Variants in RIMS2 observed in about 807,000 individuals in gnomAD.
RIMS2 encodes regulating synaptic membrane exocytosis protein 2.
Under a neutral mutation model 174.4 loss-of-function variants are expected in RIMS2, and 59 were observed. That is an observed-to-expected ratio of 0.34 (90% CI 0.27 to 0.42). The LOEUF is 0.42. Ranked by LOEUF, RIMS2 falls within the 10% of genes least tolerant of loss-of-function variation. The pLI is 1.00. For synonymous variants in RIMS2, 606 were observed against 572.5 expected (o/e 1.06, Z -0.84); for missense variants, 1,620 against 1,666.3 (o/e 0.97, Z 0.48).
intron 3 of RIMS2, among the ~76,000 whole-genome samples, chr8:103,839,515 GC>G (rs1297435972): frequency 1.3e-5 from 2 of 152,038 alleles, no homozygotes; most frequent in African/African-American, 4.8e-5. Flanking sequence ...TTAATGCATG[GC>G]CTTTGTGAGG....
At chr8:103,886,717 A>G (rs966540911) in intron 4 of RIMS2, among the ~76,000 whole-genome samples, 5 of 151,744 alleles carry the variant, frequency 3.3e-5, no homozygotes, top group African/African-American at 4.8e-5. Context: ...ATAGATTTAT[A>G]AAATTGATAT....
At chr8:104,049,248 C>G (rs942503390) in intron 19 of RIMS2, among the ~76,000 whole-genome samples, 4 of 151,868 alleles carry the variant, frequency 2.6e-5, no homozygotes, top group African/African-American at 9.7e-5. Context: ...CGGTGAAACC[C>G]CATCTCTACT....
At chr8:103,641,636 G>T (rs1313810113) in intron 1 of RIMS2, among the ~76,000 whole-genome samples, 1 of 152,040 alleles carries the variant, frequency 6.6e-6, no homozygotes, top group African/African-American at 2.4e-5. Flanking sequence ...GAGGTGTTTA[G>T]GTCATGGAGG....
chr8:103,679,171 A>T (rs989034133), intron 1 of RIMS2, among the ~76,000 whole-genome samples: 4 of 152,014 alleles, frequency 2.6e-5, no homozygotes, highest in Admixed American at 2.0e-4. Flanking sequence ...TATATCCTGA[A>T]ATATATGGAT....
At chr8:104,083,358 T>C (rs2097463628) in intron 19 of RIMS2, among the ~76,000 whole-genome samples, 2 of 152,222 alleles carry the variant, frequency 1.3e-5, no homozygotes, top group Admixed American at 6.6e-5. Flanking sequence ...CTGCTTCAGA[T>C]CCCCAGGGCA....
intron 19 of RIMS2, among the ~76,000 whole-genome samples, chr8:104,146,204 C>A (rs888008550): frequency 1.5e-5 from 1 of 65,918 alleles, no homozygotes; most frequent in African/African-American, 6.1e-5. Flanking sequence ...TCTCCTCTCC[C>A]AAAAAAAAAA....
chr8:104,118,372 T>G (rs1566516833), intron 19 of RIMS2, among the ~76,000 whole-genome samples: 4 of 78,004 alleles, frequency 5.1e-5, no homozygotes, highest in Non-Finnish European at 1.1e-4. Flanking sequence ...GTTTTTTTGT[T>G]TTTTTTTTTT....
chr8:104,019,345 C>G (rs1371424384), intron 19 of RIMS2, among the ~76,000 whole-genome samples: 1 of 152,020 alleles, frequency 6.6e-6, no homozygotes, highest in Non-Finnish European at 1.5e-5. Context: ...TTGAATAATA[C>G]AGAATACCTT....
At chr8:103,915,232 A>G (rs1476215255) in intron 6 of RIMS2, among the ~76,000 whole-genome samples, 1 of 152,090 alleles carries the variant, frequency 6.6e-6, no homozygotes, top group African/African-American at 2.4e-5. Context: ...AAAAATTACC[A>G]ATTGTTATGT....
intron 3 of RIMS2, among the ~76,000 whole-genome samples, chr8:103,874,726 G>C (rs2099127590): frequency 6.6e-6 from 1 of 152,024 alleles, no homozygotes; most frequent in African/African-American, 2.4e-5. Flanking sequence ...TAACTGTGTT[G>C]TCTAATCTGG....
chr8:104,113,746 A>AT (rs1397775293), intron 19 of RIMS2, among the ~76,000 whole-genome samples: 1 of 151,590 alleles, frequency 6.6e-6, no homozygotes, highest in Non-Finnish European at 1.5e-5. Context: ...ATAATTCTTC[A>AT]TTTTTTCATA....
rs2098602336 is a variant in RIMS2 at position 103,800,822 on chromosome 8, G to T, written c.698+34285G>T. ...TTGTAACATCATTGATTTAATCAGG[G>T]AATGCTGGCCTCCTAAGATAAGTTA... On this transcript the variant is annotated intron_variant, in intron 3 of 23. Transcript: ENST00000504942. 2.6e-5 allele frequency among the ~76,000 whole-genome samples: 4 copies of T among 152,050 alleles called. 1 individual carries two copies. Among genetic ancestry groups the T allele is most frequent in the Admixed American group, 1.3e-4 (2 of 15,270 alleles).
At chr8:104,193,463 C>T (rs1466513046) in intron 19 of RIMS2, among the ~76,000 whole-genome samples, 2 of 152,214 alleles carry the variant, frequency 1.3e-5, no homozygotes, top group Non-Finnish European at 2.9e-5. Context: ...GTGAGAATGT[C>T]TTTTGGATTT....
intron 1 of RIMS2, among the ~76,000 whole-genome samples, chr8:103,593,979 A>G (rs1442849673): frequency 1.3e-5 from 2 of 151,648 alleles, no homozygotes; most frequent in Non-Finnish European, 3.0e-5. Context: ...GAGGAAAGAC[A>G]TAGTATTTTA....
Position 103,971,839 on chromosome 8 carries a change from G to A in RIMS2, c.2771-3511G>A, listed in dbSNP as rs140129533. On this transcript the variant is annotated intron_variant, in intron 15 of 23. Transcript: ENST00000504942. ...TCCCACCTTGGCCTCCCAAAGTGCT[G>A]GGATTAGAGGTATGAGCCACCACAG... 3.3e-3 allele frequency among the ~76,000 whole-genome samples: 507 copies of A among 152,260 alleles called. 1 individual carries two copies. The highest frequency in any genetic ancestry group is 0.012 in the African/African-American group (481 of 41,538).
In RIMS2 at chr8:103,518,882, TTTG is replaced by T. The variant is rs201158990; in HGVS notation, c.176+17822_176+17824del. 6.2e-3 allele frequency among the ~76,000 whole-genome samples: 946 copies of T among 152,258 alleles called. 11 individuals carry two copies. Among genetic ancestry groups the T allele is most frequent in the African/African-American group, 0.022 (913 of 41,546 alleles). On this transcript the variant is annotated intron_variant, in intron 1 of 23. Transcript: ENST00000504942. ...TGAGATCTTGTGTCTCTATTCTGGG[TTTG>T]TCCTCTGTATTGCTGCAGAGTATCT...
intron 19 of RIMS2, among the ~76,000 whole-genome samples, chr8:104,056,086 A>C (rs937582731): frequency 1.3e-5 from 2 of 152,174 alleles, no homozygotes; most frequent in Admixed American, 1.3e-4. Flanking sequence ...AAAACAAAAA[A>C]CACTTAAACA....
chr8:103,537,915 G>C (rs1160984489), intron 1 of RIMS2, among the ~76,000 whole-genome samples: 1 of 151,838 alleles, frequency 6.6e-6, no homozygotes, highest in Non-Finnish European at 1.5e-5. Context: ...CTCTCTGGAG[G>C]GCCATGTGAT....
chr8:104,144,169 T>C (rs2098608959), intron 19 of RIMS2, among the ~76,000 whole-genome samples: 6 of 152,208 alleles, frequency 3.9e-5, no homozygotes, highest in Admixed American at 3.9e-4. Flanking sequence ...CCATTCAGGA[T>C]ACAACTTTTC....
Sources: allele counts gnomAD v4.1 joint callset (sites outside exome capture counted in the v4.1 genomes callset), GRCh38; gene constraint gnomAD v4.1.1; transcripts MANE v1.5; gene names NCBI Gene and HGNC (gene_info 2026-07-23, HGNC 2026-07-21).